Variants in SRPK2 observed in about 807,000 individuals in gnomAD.
SRPK2 encodes the protein SFRS protein kinase 2.
In SRPK2, 21 loss-of-function variants were observed where a neutral mutation model predicts 90.8. That is an observed-to-expected ratio of 0.23 (90% CI 0.16 to 0.33). SRPK2 has a LOEUF of 0.33. Ranked by LOEUF, SRPK2 falls within the 10% of genes least tolerant of loss-of-function variation. SRPK2 has a pLI of 1.00. For synonymous variants in SRPK2, 288 were observed against 311.1 expected (o/e 0.93, Z 0.78); for missense variants, 620 against 869.0 (o/e 0.71, Z 3.60).
chr7:105,231,349 T>C (rs891936854), intron 2 of SRPK2, among the ~76,000 whole-genome samples: 5 of 152,206 alleles, frequency 3.3e-5, no homozygotes, highest in Non-Finnish European at 1.5e-5. Context: ...ATGTCTTTGC[T>C]ATTGTGAACA....
At chr7:105,301,040 T>C (rs2131248751) in intron 2 of SRPK2, among the ~76,000 whole-genome samples, 1 of 152,290 alleles carries the variant, frequency 6.6e-6, no homozygotes, top group East Asian at 1.9e-4. Flanking sequence ...GGATTATAAA[T>C]CATGCCACTA....
At chr7:105,244,321 G>A (rs1011776715) in intron 2 of SRPK2, among the ~76,000 whole-genome samples, 1 of 152,248 alleles carries the variant, frequency 6.6e-6, no homozygotes, top group Admixed American at 6.5e-5. Context: ...TGTAATCCCA[G>A]CACTTTGGGA....
At chr7:105,301,492 C>T (rs1442137127) in intron 2 of SRPK2, 4 of 1,192,280 alleles carry the variant, frequency 3.4e-6, no homozygotes, top group Non-Finnish European at 5.0e-6. Context: ...GCACCGTCCA[C>T]TCAGGAGGCG....
At chr7:105,155,018 T>C (rs1584978080) in intron 7 of SRPK2, among the ~76,000 whole-genome samples, 1 of 150,228 alleles carries the variant, frequency 6.7e-6, no homozygotes, top group South Asian at 2.1e-4. Context: ...TTCGCTATTG[T>C]CACCCAGGCT....
chr7:105,389,014 G>C (rs865829579), upstream of SRPK2: 1 of 883,316 alleles, frequency 1.1e-6, no homozygotes, highest in Non-Finnish European at 1.3e-6. Context: ...CGCCGGCCCC[G>C]GGGGTCGGGA....
intron 7 of SRPK2, among the ~76,000 whole-genome samples, chr7:105,159,361 C>T (rs1056166404): frequency 1.4e-5 from 2 of 147,384 alleles, no homozygotes; most frequent in Non-Finnish European, 3.0e-5. Flanking sequence ...TACCAAGCAC[C>T]TATAGTCCCA....
chr7:105,117,913 G>C lies in SRPK2; in HGVS notation c.2025C>G (p.Ile675Met), dbSNP rs1223416669. ...EDAAQFTDFL[I>M]PMLEMVPEKR... Reference sequence around the variant, plus strand: ...TTTCTGGAACCATTTCTAACATCGGGATCAGGAAATCTGTAAACTGTGCAG... The same window carrying C: ...TTTCTGGAACCATTTCTAACATCGGCATCAGGAAATCTGTAAACTGTGCAG... Residue 675 changes from isoleucine to methionine, a missense_variant, in exon 16 of 16, where the codon ATC (isoleucine) becomes ATG (methionine). Ile to Met is a conservative substitution (Grantham distance 10). Coordinates refer to ENST00000393651, the MANE Select transcript of SRPK2 (RefSeq NM_182692.3). 1 of 1,614,082 alleles carries C rather than the reference G, an allele frequency of 6.2e-7. No homozygotes were observed. Among genetic ancestry groups the C allele is most frequent in the Admixed American group, 1.7e-5 (1 of 60,032 alleles).
Position 105,118,074 on chromosome 7 carries a change from C to T in SRPK2, c.1916-52G>A, listed in dbSNP as rs768109056. The T allele has an allele frequency of 1.9e-6, 3 of 1,593,620 alleles. No homozygotes were observed. The East Asian group carries it at 6.7e-5, about 36-fold the overall frequency. On this transcript the variant is annotated intron_variant, in intron 15 of 15. Transcript: ENST00000393651. ...CAAGAAAGCTCCAAATCTGCATTCC[C>T]CATTGTTGGTCCAGTCAGGTTCTTT...
intron 2 of SRPK2, among the ~76,000 whole-genome samples, chr7:105,253,541 T>C (rs1294710243): frequency 6.6e-6 from 1 of 152,190 alleles, no homozygotes; most frequent in African/African-American, 2.4e-5. Context: ...TTCCCGCTTA[T>C]GCAAGTATTT....
At chr7:105,229,826 G>A (rs1799208945) in intron 2 of SRPK2, among the ~76,000 whole-genome samples, 1 of 151,902 alleles carries the variant, frequency 6.6e-6, no homozygotes, top group Admixed American at 6.6e-5. Context: ...AATGGGGGTG[G>A]GATAAAATCA....
At chr7:105,347,695 A>G (rs1448683791) in intron 2 of SRPK2, among the ~76,000 whole-genome samples, 1 of 151,778 alleles carries the variant, frequency 6.6e-6, no homozygotes, top group East Asian at 2.0e-4. Flanking sequence ...TCTCTGCAAA[A>G]AAATTTTAAA....
chr7:105,270,345 T>G (rs1805663218), intron 2 of SRPK2, among the ~76,000 whole-genome samples: 1 of 151,308 alleles, frequency 6.6e-6, no homozygotes, highest in South Asian at 2.1e-4. Flanking sequence ...CCTCCCCTCA[T>G]TTTGGAAGGA....
At chr7:105,353,994 TCA>T (rs1817511688) in intron 2 of SRPK2, among the ~76,000 whole-genome samples, 1 of 152,204 alleles carries the variant, frequency 6.6e-6, no homozygotes, top group Admixed American at 6.5e-5. Context: ...GTTGTGGCTG[TCA>T]CACAACAGAT....
At chr7:105,244,609 G>A in intron 2 of SRPK2, 1 of 668,734 alleles carries the variant, frequency 1.5e-6, no homozygotes, top group Non-Finnish European at 2.7e-6. Context: ...TCCACGCGGC[G>A]CCAGCCCCAG....
At chr7:105,145,201 A>C (rs1361067481) in intron 9 of SRPK2, 82 bp downstream of exon 9, 1 of 1,139,904 alleles carries the variant, frequency 8.8e-7, no homozygotes, top group Non-Finnish European at 1.2e-6. Flanking sequence ...TAAATACACA[A>C]CTTTTTTATA....
intron 2 of SRPK2, among the ~76,000 whole-genome samples, chr7:105,374,983 G>A (rs1328501777): frequency 6.6e-6 from 1 of 152,072 alleles, no homozygotes; most frequent in African/African-American, 2.4e-5. Context: ...AGATGATAAT[G>A]TAAGTAACAA....
At chr7:105,356,753 G>T (rs1817825408) in intron 2 of SRPK2, among the ~76,000 whole-genome samples, 1 of 152,028 alleles carries the variant, frequency 6.6e-6, no homozygotes. Flanking sequence ...CCCAAAAGAA[G>T]GAACAGTTAT....
intron 2 of SRPK2, among the ~76,000 whole-genome samples, chr7:105,377,424 G>T (rs1820431729): frequency 6.6e-6 from 1 of 152,126 alleles, no homozygotes; most frequent in African/African-American, 2.4e-5. Flanking sequence ...TGGGCGCGGT[G>T]GCTCATGCCT....
chr7:105,370,028 A>AAACAACAACAACAACAAC (rs10694399), intron 2 of SRPK2, among the ~76,000 whole-genome samples: 205 of 150,256 alleles, frequency 1.4e-3, no homozygotes, highest in African/African-American at 4.7e-3. Flanking sequence ...ACTCCATCTC[A>AAACAACAACAACAACAAC]AACAACAACA....
Sources: allele counts gnomAD v4.1 joint callset (sites outside exome capture counted in the v4.1 genomes callset), GRCh38; gene constraint gnomAD v4.1.1; transcripts MANE v1.5; gene names NCBI Gene and HGNC (gene_info 2026-07-23, HGNC 2026-07-21).